MYO1E: variants seen among roughly 807,000 people sequenced by gnomAD.
MYO1E encodes the protein unconventional myosin-Ie.
Under a neutral mutation model 151.1 loss-of-function variants are expected in MYO1E, and 68 were observed. The ratio of observed to expected loss-of-function variants is 0.45; its 90% CI spans 0.37 to 0.55. MYO1E has a LOEUF of 0.55. MYO1E is among the 20% of genes least tolerant of loss of function. The pLI is 0.00. For missense variants in MYO1E, 1,363 were observed against 1,389.3 expected (o/e 0.98, Z 0.30); for synonymous variants, 601 against 501.7 (o/e 1.20, Z -2.64).
chr15:59,230,214 CAGTGTGTGTTTGTGTG>C (rs1435496622), intron 6 of MYO1E, among the ~76,000 whole-genome samples: 4 of 45,898 alleles, frequency 8.7e-5, no homozygotes, highest in African/African-American at 1.6e-4. Flanking sequence ...GAGAGAGAGA[CAGTGTGTGTTTGTGTG>C]TGTGTGTGTG....
At chr15:59,316,644 C>T (rs965533570) in intron 1 of MYO1E, among the ~76,000 whole-genome samples, 1 of 152,118 alleles carries the variant, frequency 6.6e-6, no homozygotes, top group Non-Finnish European at 1.5e-5. Flanking sequence ...TCACTTCTTG[C>T]CCATATAAAC....
At chr15:59,278,125 C>T (rs1225736941) in intron 1 of MYO1E, among the ~76,000 whole-genome samples, 1 of 152,190 alleles carries the variant, frequency 6.6e-6, no homozygotes, top group East Asian at 1.9e-4. Context: ...GGATTCTATG[C>T]TAAGTCCAGG....
chr15:59,364,693 C>A (rs1164671697), intron 1 of MYO1E, among the ~76,000 whole-genome samples: 1 of 151,978 alleles, frequency 6.6e-6, no homozygotes, highest in Non-Finnish European at 1.5e-5. Context: ...TCACTTGAGG[C>A]CAGGAGTTCA....
intron 1 of MYO1E, among the ~76,000 whole-genome samples, chr15:59,315,076 G>C (rs186289437): frequency 1.3e-5 from 2 of 152,116 alleles, no homozygotes; most frequent in Non-Finnish European, 2.9e-5. Flanking sequence ...GAGCCTGGGG[G>C]CCACCAGCTT....
chr15:59,241,530 G>A (rs1029107988), intron 4 of MYO1E, among the ~76,000 whole-genome samples: 4 of 152,030 alleles, frequency 2.6e-5, no homozygotes, highest in Admixed American at 6.6e-5. Flanking sequence ...GTAAAACCCC[G>A]TCTCTACTAA....
intron 1 of MYO1E, among the ~76,000 whole-genome samples, chr15:59,370,921 G>A (rs1388977089): frequency 6.6e-6 from 1 of 152,058 alleles, no homozygotes; most frequent in African/African-American, 2.4e-5. Context: ...TGCTTCAAGG[G>A]ACCAGGTGCC....
At chr15:59,347,090 C>T (rs201363973) in intron 1 of MYO1E, among the ~76,000 whole-genome samples, 19 of 152,106 alleles carry the variant, frequency 1.2e-4, no homozygotes, top group East Asian at 7.7e-4. Context: ...TTCCCAACCC[C>T]GGGGCCATGG....
intron 5 of MYO1E, among the ~76,000 whole-genome samples, chr15:59,233,464 G>T (rs1566987381): frequency 6.6e-6 from 1 of 152,016 alleles, no homozygotes. Flanking sequence ...AACAGATCAA[G>T]ACCATCCTGG....
rs74017372 is a variant in MYO1E at position 59,177,858 on chromosome 15, A to G, written c.2049+535T>C. ...TATTTTCCCCCTCACAGTCCTTTCT[A>G]GGCTCCCCCACAGCCTTCTAGGTAC... is the stretch of plus-strand genomic sequence containing the variant. On this transcript the variant is annotated intron_variant, in intron 19 of 27. Coordinates refer to ENST00000288235, the MANE Select transcript of MYO1E (RefSeq NM_004998.4). 4.4e-3 allele frequency among the ~76,000 whole-genome samples: 675 copies of G among 152,260 alleles called. 7 individuals carry two copies. The highest frequency in any genetic ancestry group is 0.016 in the African/African-American group (647 of 41,548).
chr15:59,309,735 C>T (rs2080538058), intron 1 of MYO1E, among the ~76,000 whole-genome samples: 1 of 152,232 alleles, frequency 6.6e-6, no homozygotes, highest in Non-Finnish European at 1.5e-5. Flanking sequence ...ACATGCATTT[C>T]TAAGGTTGCC....
chr15:59,218,260 A>G (rs2079932393), intron 9 of MYO1E, 173 bp from the exon 10 acceptor site: 3 of 741,482 alleles, frequency 4.0e-6, no homozygotes, highest in Non-Finnish European at 4.8e-6. Flanking sequence ...GTAATCCCAT[A>G]CACATCCATC....
intron 12 of MYO1E, among the ~76,000 whole-genome samples, chr15:59,212,479 C>T (rs1305792351): frequency 2.0e-5 from 3 of 152,222 alleles, no homozygotes; most frequent in Admixed American, 1.3e-4. Flanking sequence ...TAGTATCCCC[C>T]CAAATTTCAC....
At chr15:59,151,049 A>ACACACACACACACACACACACG (rs375186279) in intron 26 of MYO1E, among the ~76,000 whole-genome samples, 1 of 129,558 alleles carries the variant, frequency 7.7e-6, no homozygotes, top group Non-Finnish European at 1.7e-5. Context: ...ACACACACAC[A>ACACACACACACACACACACACG]CGCGCGCGCG....
intron 1 of MYO1E, among the ~76,000 whole-genome samples, chr15:59,305,257 G>A (rs2080507960): frequency 6.6e-6 from 1 of 152,130 alleles, no homozygotes; most frequent in Admixed American, 6.6e-5. Flanking sequence ...GCAGTGGCAT[G>A]ATCTCAGCTC....
rs181070880 is a variant in MYO1E, at chr15:59,263,293, T to C, written c.148-1784A>G. 3.3e-5 allele frequency among the ~76,000 whole-genome samples: 5 copies of C among 152,326 alleles called. No homozygotes were observed. In the East Asian group the frequency reaches 9.6e-4, roughly 29 times the overall value. ...TGGAGATAAAATAGGACCTACCTGA[T>C]AGTCTCATTTTACTTAAATAAAATA... is the stretch of plus-strand genomic sequence containing the variant. On this transcript the variant is annotated intron_variant, in intron 2 of 27. Coordinates refer to ENST00000288235, the MANE Select transcript of MYO1E (RefSeq NM_004998.4).
At chr15:59,316,928 C>T (rs958994034) in intron 1 of MYO1E, among the ~76,000 whole-genome samples, 5 of 152,094 alleles carry the variant, frequency 3.3e-5, no homozygotes, top group Middle Eastern at 3.2e-3. Context: ...AAATAACTTC[C>T]CATGGTCTTA....
intron 18 of MYO1E, among the ~76,000 whole-genome samples, chr15:59,182,210 T>C (rs2079665905): frequency 6.6e-6 from 1 of 151,982 alleles, no homozygotes; most frequent in Non-Finnish European, 1.5e-5. Flanking sequence ...CCAGTATTCT[T>C]TTTTTTTATT....
intron 1 of MYO1E, among the ~76,000 whole-genome samples, chr15:59,328,218 T>C (rs773966537): frequency 5.9e-5 from 9 of 152,066 alleles, no homozygotes; most frequent in Non-Finnish European, 1.3e-4. Flanking sequence ...AAACCAAAGG[T>C]AGAATGTGAG....
chr15:59,263,169 G>A (rs1356500812), intron 2 of MYO1E, among the ~76,000 whole-genome samples: 2 of 152,170 alleles, frequency 1.3e-5, no homozygotes, highest in African/African-American at 4.8e-5. Context: ...TTAAAACTAT[G>A]AGATTTCCTC....
Sources: gnomAD v4.1 joint callset for allele counts (sites outside exome capture counted in the v4.1 genomes callset) on GRCh38, gnomAD v4.1.1 for gene constraint, MANE v1.5 for transcripts, NCBI Gene and HGNC (gene_info 2026-07-23, HGNC 2026-07-21) for gene names.